Variants in DGKB observed in about 807,000 individuals in gnomAD.
The protein encoded by DGKB is diacylglycerol kinase beta.
DGKB carries 67 observed loss-of-function variants against 114.3 expected under a neutral mutation model. That is an observed-to-expected ratio of 0.59 (90% CI 0.48 to 0.72). DGKB has a LOEUF of 0.72. DGKB is among the 30% of genes least tolerant of loss of function. The pLI, the probability that DGKB is intolerant of heterozygous loss-of-function variation, is 0.00. For synonymous variants in DGKB, 398 were observed against 323.1 expected, an observed-to-expected ratio of 1.23 and a Z score of -2.49; for missense variants, 907 against 975.2, an observed-to-expected ratio of 0.93 and a Z score of 0.93.
intron 13 of DGKB, among the ~76,000 whole-genome samples, chr7:14,646,048 T>A (rs759284835): frequency 6.6e-6 from 1 of 152,184 alleles, no homozygotes; most frequent in African/African-American, 2.4e-5. Context: ...AGAGGTTTAA[T>A]TCACCAATTA....
intron 23 of DGKB, among the ~76,000 whole-genome samples, chr7:14,202,489 G>A (rs1469041589): frequency 6.6e-6 from 1 of 151,918 alleles, no homozygotes; most frequent in Non-Finnish European, 1.5e-5. Context: ...ACTAACTCTT[G>A]TCAATCCTGA....
At chr7:14,244,848 A>G (rs1794240092) in intron 23 of DGKB, among the ~76,000 whole-genome samples, 1 of 152,016 alleles carries the variant, frequency 6.6e-6, no homozygotes, top group Non-Finnish European at 1.5e-5. Flanking sequence ...ACTAGACACC[A>G]AATATATTGG....
At chr7:14,434,625 G>A (rs1306543817) in intron 21 of DGKB, among the ~76,000 whole-genome samples, 4 of 152,118 alleles carry the variant, frequency 2.6e-5, no homozygotes, top group Admixed American at 6.6e-5. Context: ...GACCTGTGTT[G>A]AATATCTGAC....
At chr7:14,165,299 T>A (rs1417156213) in intron 25 of DGKB, among the ~76,000 whole-genome samples, 1 of 152,164 alleles carries the variant, frequency 6.6e-6, no homozygotes, top group Non-Finnish European at 1.5e-5. Context: ...AAACAGAAGT[T>A]TTAATAAAAT....
At chr7:14,513,833 T>C (rs987524532) in intron 20 of DGKB, among the ~76,000 whole-genome samples, 6 of 152,002 alleles carry the variant, frequency 3.9e-5, no homozygotes, top group African/African-American at 1.4e-4. Context: ...ATGGATTGTT[T>C]TCTAAATATA....
intron 1 of DGKB, among the ~76,000 whole-genome samples, chr7:14,949,216 C>A (rs1786041347): frequency 6.6e-6 from 1 of 151,748 alleles, no homozygotes; most frequent in Admixed American, 6.6e-5. Context: ...TAAGGAAATG[C>A]AAATTACATA....
At chr7:14,579,915 A>G (rs143724551) in intron 19 of DGKB, among the ~76,000 whole-genome samples, 1 of 152,174 alleles carries the variant, frequency 6.6e-6, no homozygotes, top group Non-Finnish European at 1.5e-5. Flanking sequence ...CTTAGTAGAC[A>G]CTTTTCAAAC....
chr7:14,678,818 C>A (rs756270243), intron 12 of DGKB, among the ~76,000 whole-genome samples: 1 of 151,560 alleles, frequency 6.6e-6, no homozygotes, highest in Admixed American at 6.6e-5. Context: ...ACTAGGGCTG[C>A]GAATGTGGAG....
chr7:14,444,479 T>C (rs1229626476), intron 21 of DGKB, among the ~76,000 whole-genome samples: 2 of 151,832 alleles, frequency 1.3e-5, no homozygotes, highest in Non-Finnish European at 3.0e-5. Flanking sequence ...TGAATAAGAA[T>C]TCATATGCGG....
chr7:14,660,931 C>T (rs886669542), intron 13 of DGKB, among the ~76,000 whole-genome samples: 3 of 151,230 alleles, frequency 2.0e-5, no homozygotes, highest in Admixed American at 6.6e-5. Flanking sequence ...TTTGACAAAC[C>T]TGAGAAAAAC....
intron 1 of DGKB, among the ~76,000 whole-genome samples, chr7:14,967,889 G>A (rs10216312): frequency 1.3e-5 from 2 of 151,802 alleles, no homozygotes; most frequent in African/African-American, 4.8e-5. Context: ...TAGAGAGATT[G>A]AGAGAGAGAG....
chr7:14,647,768 C>T (rs1002721152), intron 13 of DGKB, among the ~76,000 whole-genome samples: 3 of 152,122 alleles, frequency 2.0e-5, no homozygotes, highest in East Asian at 1.9e-4. Context: ...AGACAGTGGG[C>T]GCAGGTCAGT....
At chr7:14,302,860 G>C (rs2128491047) in intron 23 of DGKB, among the ~76,000 whole-genome samples, 1 of 152,200 alleles carries the variant, frequency 6.6e-6, no homozygotes, top group South Asian at 2.1e-4. Flanking sequence ...TGTAATGTAA[G>C]ATCTATGATG....
intron 23 of DGKB, among the ~76,000 whole-genome samples, chr7:14,329,728 G>A (rs992060716): frequency 5.9e-5 from 9 of 151,912 alleles, no homozygotes; most frequent in African/African-American, 1.7e-4. Context: ...ATCGCTATCA[G>A]GCTTTATATT....
intron 21 of DGKB, among the ~76,000 whole-genome samples, chr7:14,425,611 T>C (rs7811768): frequency 0.19 from 28,615 of 152,068 alleles, 2,858 homozygotes; most frequent in African/African-American, 0.21. Flanking sequence ...GTATTAGACA[T>C]AAAGTGACTG....
At chr7:14,198,541 A>C (rs1396051204) in intron 23 of DGKB, among the ~76,000 whole-genome samples, 2 of 152,066 alleles carry the variant, frequency 1.3e-5, no homozygotes, top group Non-Finnish European at 2.9e-5. Flanking sequence ...ATTATAGAAG[A>C]GAAACCCATG....
At chr7:14,372,754 T>C (rs1015973245) in intron 21 of DGKB, among the ~76,000 whole-genome samples, 2 of 152,166 alleles carry the variant, frequency 1.3e-5, no homozygotes, top group African/African-American at 4.8e-5. Flanking sequence ...GAAAACTATA[T>C]ATAAATAGTA....
At chr7:14,655,681 G>A (rs1477750848) in intron 13 of DGKB, among the ~76,000 whole-genome samples, 2 of 151,558 alleles carry the variant, frequency 1.3e-5, no homozygotes, top group Non-Finnish European at 1.5e-5. Flanking sequence ...TGGTATATAT[G>A]CACAATGGAA....
intron 23 of DGKB, among the ~76,000 whole-genome samples, chr7:14,313,511 C>A (rs962796322): frequency 6.6e-6 from 1 of 152,144 alleles, no homozygotes; most frequent in Non-Finnish European, 1.5e-5. Context: ...AAAGGGGTGA[C>A]GGACGGCACC....
Sources: gnomAD v4.1 joint callset for allele counts (sites outside exome capture counted in the v4.1 genomes callset) on GRCh38, gnomAD v4.1.1 for gene constraint, MANE v1.5 for transcripts, NCBI Gene and HGNC (gene_info 2026-07-23, HGNC 2026-07-21) for gene names.